The following CEMIP variants were observed in gnomAD, a reference collection of about 807,000 sequenced individuals.
The protein encoded by CEMIP is cell migration inducing hyaluronidase 1, also known as cell migration-inducing and hyaluronan-binding protein.
A neutral mutation model predicts 156.9 loss-of-function variants in CEMIP; 105 were observed. That is an observed-to-expected ratio of 0.67 (90% confidence interval 0.57 to 0.79). The LOEUF (loss-of-function observed/expected upper bound fraction) is 0.79, where lower values mean the gene tolerates loss of function less well. Ranked by LOEUF, CEMIP falls within the 30% of genes least tolerant of loss-of-function variation. The pLI is 0.00. For missense variants in CEMIP, 1,457 were observed against 1,769.4 expected (o/e 0.82, Z 3.17); for synonymous variants, 676 against 668.4 (o/e 1.01, Z -0.17).
At chr15:80,855,719 T>G (rs1238149988) in intron 1 of CEMIP, among the ~76,000 whole-genome samples, 2 of 152,074 alleles carry the variant, frequency 1.3e-5, no homozygotes, top group Non-Finnish European at 2.9e-5. Context: ...GACGGGGTTT[T>G]GCCATGTTGG....
intron 1 of CEMIP, among the ~76,000 whole-genome samples, chr15:80,834,593 G>A (rs937213943): frequency 3.3e-5 from 5 of 152,264 alleles, no homozygotes; most frequent in South Asian, 2.1e-4. Context: ...TCTATAATCC[G>A]TGTGGCTGTC....
rs143867147 is a variant in CEMIP at position 80,799,312 on chromosome 15, G to A, written c.-176+19698G>A. On this transcript the variant is annotated intron_variant, in intron 1 of 29. Transcript: ENST00000394685. Reference sequence around the variant, plus strand: ...AGCACGAGATCTAGGCAGTCCCTGCGCAGCACTGGTTAGGAGAGGAAATAG... The same window carrying A: ...AGCACGAGATCTAGGCAGTCCCTGCACAGCACTGGTTAGGAGAGGAAATAG... 4.9e-3 allele frequency among the ~76,000 whole-genome samples: 740 copies of A among 152,300 alleles called. 21 individuals are homozygous for A. The highest frequency in any genetic ancestry group is 9.8e-4 in the Non-Finnish European group (67 of 68,022).
chr15:80,906,617 G>A lies in CEMIP; in HGVS notation c.1412-46G>A. ...CTGGCAGGGGCCCAGAACTCAGTGG[G>A]CATGCAGTACCTGCTGTTGTTTACC... On this transcript the variant is annotated intron_variant, in intron 12 of 29. Transcript: ENST00000394685. The surrounding 1 kb of genome is among the most constrained non-coding windows in gnomAD (Gnocchi z 4.3). 1 of 1,576,142 alleles carries A rather than the reference G, an allele frequency of 6.3e-7. No homozygotes were observed. Among genetic ancestry groups the A allele is most frequent in the East Asian group, 2.2e-5 (1 of 44,506 alleles).
intron 1 of CEMIP, among the ~76,000 whole-genome samples, chr15:80,835,347 G>A (rs1190854833): frequency 6.6e-6 from 1 of 152,218 alleles, no homozygotes; most frequent in Non-Finnish European, 1.5e-5. Context: ...GAGTTCCAAA[G>A]TAGGAATTTC....
chr15:80,933,109 T>C lies in CEMIP; in HGVS notation c.2794-136T>C, dbSNP rs968344450. 21 of 766,292 alleles carry C rather than the reference T, an allele frequency of 2.7e-5. No homozygotes were observed. The Middle Eastern group carries it at 1.8e-3, about 65-fold the overall frequency. The allele number at this position is 766,292 out of a possible 1,614,324, so 47.5% of individuals were successfully genotyped here. A position where few individuals can be genotyped will look rare whatever the true frequency, so the allele number is the denominator to read the frequency against. ...TCGGAGGGGTCAGCCACGTGGTTTC[T>C]CTCAGTGCCCGAGAGCATCTTTGTT... On this transcript the variant is annotated intron_variant, in intron 22 of 29. Transcript: ENST00000394685.
chr15:80,951,309 A>G lies in CEMIP; in HGVS notation c.*2385A>G, dbSNP rs1245728835. The G allele has an allele frequency of 1.3e-5, 2 of 152,758 alleles. No individual in the cohort carries two copies. The highest frequency in any genetic ancestry group is 3.9e-4 in the East Asian group (2 of 5,174). 9.5% of individuals were successfully genotyped at this position (152,758 alleles called of 1,614,324 possible). On this transcript the variant is annotated 3_prime_UTR_variant, in exon 30 of 30. Transcript: ENST00000394685. The stretch of plus-strand genomic sequence containing the variant: ...TTGTACATATGTTTCACAGTACAGG[A>G]TCTGTACATAAAAGTTTCTTTCCTA...
At chr15:80,884,025 C>A in intron 6 of CEMIP, 150 bp from the exon 7 acceptor site, 1 of 796,240 alleles carries the variant, frequency 1.3e-6, no homozygotes, top group Non-Finnish European at 2.2e-6. Context: ...AACTTGTTTG[C>A]TCTTTAAAGA....
At chr15:80,837,410 G>A (rs573252247) in intron 1 of CEMIP, among the ~76,000 whole-genome samples, 2 of 152,146 alleles carry the variant, frequency 1.3e-5, no homozygotes, top group East Asian at 1.9e-4. Context: ...ATGACAAGAC[G>A]CAAAGAACAC....
At chr15:80,780,597 C>A (rs1213091038) in intron 1 of CEMIP, among the ~76,000 whole-genome samples, 2 of 152,206 alleles carry the variant, frequency 1.3e-5, no homozygotes, top group Non-Finnish European at 1.5e-5. Flanking sequence ...GCCAACGCTA[C>A]CCACAGGTGA....
At chr15:80,835,493 T>C (rs1339207584) in intron 1 of CEMIP, among the ~76,000 whole-genome samples, 1 of 152,234 alleles carries the variant, frequency 6.6e-6, no homozygotes, top group African/African-American at 2.4e-5. Flanking sequence ...GGGCCCCGCA[T>C]GGCCACCCTT....
In CEMIP at chr15:80,790,786, C is replaced by T. The variant is rs567452659; in HGVS notation, c.-176+11172C>T. 6.6e-4 allele frequency among the ~76,000 whole-genome samples: 100 copies of T among 152,328 alleles called. No homozygotes were observed. The South Asian group carries it at 0.021, about 31-fold the overall frequency. ...TGAGAGTAATTGTAACCCGAATGCA[C>T]TCATCATTGACCCGCCCATTCTTTC... On this transcript the variant is annotated intron_variant, in intron 1 of 29. Transcript: ENST00000394685.
rs35155706 is a variant in CEMIP at position 80,951,569 on chromosome 15, A to G, written c.*2645A>G. On this transcript the variant is annotated 3_prime_UTR_variant, in exon 30 of 30. Coordinates refer to ENST00000394685, the MANE Select transcript of CEMIP (RefSeq NM_001293298.2). ...TATGTAAACATTTCTTGTAGGCATC[A>G]CCATGAACAAAGATATATTTTCTAT... is the stretch of plus-strand genomic sequence containing the variant. 6.5e-6 allele frequency: 1 copy of G among 152,798 alleles called. No homozygotes were observed. The highest frequency in any genetic ancestry group is 1.9e-4 in the East Asian group (1 of 5,196). 9.5% of individuals were successfully genotyped at this position (152,798 alleles called of 1,614,324 possible).
At chr15:80,913,770 A>G (rs931384975) in intron 14 of CEMIP, among the ~76,000 whole-genome samples, 3 of 152,220 alleles carry the variant, frequency 2.0e-5, no homozygotes, top group Admixed American at 1.3e-4. Flanking sequence ...ACAAAAAGAC[A>G]CTGGCCTCTG....
intron 1 of CEMIP, among the ~76,000 whole-genome samples, chr15:80,864,700 T>G (rs1898077856): frequency 6.6e-6 from 1 of 152,212 alleles, no homozygotes; most frequent in Non-Finnish European, 1.5e-5. Context: ...GGATCTAGCT[T>G]GTGATAAAGC....
At chr15:80,819,826 G>T (rs1169608313) in intron 1 of CEMIP, among the ~76,000 whole-genome samples, 1 of 152,074 alleles carries the variant, frequency 6.6e-6, no homozygotes, top group Non-Finnish European at 1.5e-5. Context: ...TTGAGCTATG[G>T]GTCTCAATAA....
intron 1 of CEMIP, among the ~76,000 whole-genome samples, chr15:80,836,269 G>T (rs916078570): frequency 6.6e-6 from 1 of 152,208 alleles, no homozygotes; most frequent in African/African-American, 2.4e-5. Context: ...TTCTCTAAGA[G>T]CGAAAAGGCA....
At chr15:80,780,836 G>A (rs1413555230) in intron 1 of CEMIP, among the ~76,000 whole-genome samples, 2 of 152,302 alleles carry the variant, frequency 1.3e-5, no homozygotes, top group South Asian at 4.1e-4. Flanking sequence ...CTGGGTCTCC[G>A]GGGAAGTCGT....
At chr15:80,924,399 G>A (rs187894377) in intron 17 of CEMIP, among the ~76,000 whole-genome samples, 64 of 152,276 alleles carry the variant, frequency 4.2e-4, no homozygotes, top group African/African-American at 1.5e-3. Flanking sequence ...TTCCAAATCT[G>A]CTCCTCAAAG....
intron 1 of CEMIP, among the ~76,000 whole-genome samples, chr15:80,847,356 A>T (rs1174636746): frequency 6.6e-6 from 1 of 152,184 alleles, no homozygotes; most frequent in East Asian, 1.9e-4. Flanking sequence ...GCCCTTATGT[A>T]GCTTTTGGAA....
Sources: allele counts gnomAD v4.1 joint callset (sites outside exome capture counted in the v4.1 genomes callset), GRCh38; gene constraint gnomAD v4.1.1; non-coding constraint Gnocchi (gnomAD v3.1); transcripts MANE v1.5; gene names NCBI Gene and HGNC (gene_info 2026-07-23, HGNC 2026-07-21).